Variants in ARHGAP31 observed in about 807,000 individuals in gnomAD.
ARHGAP31 encodes Rho GTPase activating protein 31.
Under a neutral mutation model 113.9 loss-of-function variants are expected in ARHGAP31, and 34 were observed. That is an observed-to-expected ratio of 0.30 (90% CI 0.23 to 0.40). ARHGAP31 has a LOEUF of 0.40. Among genes scored for constraint, ARHGAP31 ranks in the 10% least tolerant of loss-of-function variants. ARHGAP31 has a pLI of 1.00. For missense variants in ARHGAP31, 1,548 were observed against 1,767.1 expected, an observed-to-expected ratio of 0.88 and a Z score of 2.22; for synonymous variants, 650 against 684.8, an observed-to-expected ratio of 0.95 and a Z score of 0.79.
At chr3:119,329,764 T>G in intron 1 of ARHGAP31, 1 of 980,448 alleles carries the variant, frequency 1.0e-6, no homozygotes, top group Non-Finnish European at 1.2e-6. Flanking sequence ...CTCACGCTCA[T>G]TCCACAGTGC....
At chr3:119,392,208 G>T (rs1387781897) in intron 7 of ARHGAP31, among the ~76,000 whole-genome samples, 1 of 152,204 alleles carries the variant, frequency 6.6e-6, no homozygotes, top group Non-Finnish European at 1.5e-5. Context: ...AGCACTTTGG[G>T]AGGCTAAGGT....
chr3:119,339,007 A>T (rs1388549140), intron 1 of ARHGAP31, among the ~76,000 whole-genome samples: 1 of 152,254 alleles, frequency 6.6e-6, no homozygotes, highest in African/African-American at 2.4e-5. Flanking sequence ...GTTCAGAGTC[A>T]TGAATTACTT....
chr3:119,349,776 T>C (rs1234635836), intron 1 of ARHGAP31, among the ~76,000 whole-genome samples: 1 of 152,180 alleles, frequency 6.6e-6, no homozygotes, highest in African/African-American at 2.4e-5. Flanking sequence ...TCCTGAGAAT[T>C]TGCAGGGGAA....
chr3:119,413,801 T>C, intron 11 of ARHGAP31, 55 bp from the exon 12 acceptor site: 1 of 1,613,826 alleles, frequency 6.2e-7, no homozygotes, highest in Non-Finnish European at 8.5e-7. Context: ...GAAACGCTGA[T>C]GTCAGCACCC....
chr3:119,378,700 TTGGCTCCC>T (rs1187728337), intron 3 of ARHGAP31, among the ~76,000 whole-genome samples: 1 of 151,978 alleles, frequency 6.6e-6, no homozygotes, highest in Non-Finnish European at 1.5e-5. Context: ...CTTCTCTCCC[TTGGCTCCC>T]CGGCTCCCCA....
chr3:119,392,562 A>G (rs2080514011), intron 7 of ARHGAP31, among the ~76,000 whole-genome samples: 2 of 152,226 alleles, frequency 1.3e-5, no homozygotes, highest in Admixed American at 1.3e-4. Flanking sequence ...TTCATCCTGA[A>G]ACTTCATACA....
chr3:119,380,814 G>T, intron 3 of ARHGAP31, 90 bp from the exon 4 acceptor site: 1 of 1,061,540 alleles, frequency 9.4e-7, no homozygotes, highest in South Asian at 1.3e-5. Flanking sequence ...TGTGAGGCTG[G>T]AGTATGAGGG....
chr3:119,384,713 C>T lies in ARHGAP31; in HGVS notation c.682+1487C>T, dbSNP rs1031730381. On this transcript the variant is annotated intron_variant, in intron 6 of 11. Coordinates refer to ENST00000264245, the MANE Select transcript of ARHGAP31 (RefSeq NM_020754.4). ...CCTGATCACCTCATAAAGGTCGCAC[C>T]TCACAACAGTGTTGCATTGGGGATC... is the stretch of plus-strand genomic sequence containing the variant. 3.3e-5 allele frequency among the ~76,000 whole-genome samples: 5 copies of T among 152,174 alleles called. No homozygotes were observed. The East Asian group carries it at 7.7e-4, about 23-fold the overall frequency.
chr3:119,354,992 G>A (rs2080143278), intron 1 of ARHGAP31, among the ~76,000 whole-genome samples: 1 of 151,960 alleles, frequency 6.6e-6, no homozygotes, highest in Non-Finnish European at 1.5e-5. Flanking sequence ...GGCAGTCAAC[G>A]GCAAGGAGCC....
chr3:119,332,629 T>TCA (rs2079903818), intron 1 of ARHGAP31, among the ~76,000 whole-genome samples: 4 of 120,536 alleles, frequency 3.3e-5, no homozygotes, highest in Admixed American at 1.9e-4. Context: ...TCTCTCTCTC[T>TCA]CTCTCTCACA....
intron 3 of ARHGAP31, among the ~76,000 whole-genome samples, chr3:119,371,467 ACT>A (rs1410274911): frequency 6.6e-6 from 1 of 152,152 alleles, no homozygotes; most frequent in Non-Finnish European, 1.5e-5. Context: ...ATGACAACTA[ACT>A]CTATATACAT....
In ARHGAP31 at chr3:119,413,973, A is replaced by G; in HGVS notation, c.2044A>G (p.Ile682Val). 2.5e-6 allele frequency: 4 copies of G among 1,614,132 alleles called. No individual in the cohort carries two copies. Among genetic ancestry groups the G allele is most frequent in the Non-Finnish European group, 3.4e-6 (4 of 1,180,006 alleles). The change falls in exon 12 of 12, where the codon ATT becomes GTT. Residue 682 changes from isoleucine (I) to valine (V), a missense_variant. Transcript: ENST00000264245. ...ACCTCCTGCTCTGAAGACCAGCCCA[A>G]TTCAGCCTATTCTCGAGTCGAGTCT... ...LPPPALKTSPIQPILESSLGP... is the reference protein window; with the variant it reads ...LPPPALKTSPVQPILESSLGP...
At chr3:119,295,257 T>A (rs972688449) in intron 1 of ARHGAP31, among the ~76,000 whole-genome samples, 2 of 151,766 alleles carry the variant, frequency 1.3e-5, no homozygotes, top group African/African-American at 4.8e-5. Context: ...TAATGGGTGG[T>A]ACTGCCGCAA....
At chr3:119,308,985 G>A (rs1215801641) in intron 1 of ARHGAP31, among the ~76,000 whole-genome samples, 1 of 151,998 alleles carries the variant, frequency 6.6e-6, no homozygotes, top group Non-Finnish European at 1.5e-5. Context: ...GGGACTACAG[G>A]CATGCACCCC....
chr3:119,393,729 T>C (rs2080523897), intron 8 of ARHGAP31, 138 bp downstream of exon 8: 1 of 1,258,554 alleles, frequency 7.9e-7, no homozygotes. Context: ...GAGGAGTCTT[T>C]TTTCAAAACA....
In ARHGAP31 at chr3:119,294,935, A is replaced by C. The variant is rs1281214596; in HGVS notation, c.31A>C (p.Lys11Gln). ...GAACAAGGGTGCTAAGCAGAAGCTG[A>C]AACGAAAGGGAGCCGCCAGCGCGTT... MKNKGAKQKL[K>Q]RKGAASAFGC... The change falls in exon 1 of 12, where the codon AAA becomes CAA. Residue 11 changes from lysine to glutamine, a missense_variant. Coordinates refer to ENST00000264245, the MANE Select transcript of ARHGAP31 (RefSeq NM_020754.4). The C allele has an allele frequency of 6.2e-7, 1 of 1,614,106 alleles. No homozygotes were observed. The highest frequency in any genetic ancestry group is 1.7e-5 in the Admixed American group (1 of 60,026).
At chr3:119,384,985 C>T (rs2080437234) in intron 6 of ARHGAP31, among the ~76,000 whole-genome samples, 1 of 149,924 alleles carries the variant, frequency 6.7e-6, no homozygotes, top group South Asian at 2.1e-4. Flanking sequence ...AGTGCAGTGG[C>T]GTGATCTTGG....
chr3:119,316,769 G>T (rs1041113654), intron 1 of ARHGAP31, among the ~76,000 whole-genome samples: 1 of 152,226 alleles, frequency 6.6e-6, no homozygotes, highest in Non-Finnish European at 1.5e-5. Context: ...TTCAGCCAAA[G>T]AACTCTGCTT....
rs78552913 is a variant in ARHGAP31 at position 119,356,063 on chromosome 3, C to A, written c.101-9253C>A. 6.6e-3 allele frequency among the ~76,000 whole-genome samples: 1,002 copies of A among 152,314 alleles called. 12 individuals are homozygous for A. Among genetic ancestry groups the A allele is most frequent in the African/African-American group, 0.023 (941 of 41,576 alleles). On this transcript the variant is annotated intron_variant, in intron 1 of 11. Coordinates refer to ENST00000264245, the MANE Select transcript of ARHGAP31 (RefSeq NM_020754.4). ...AACACCTCACACTTGGTGCTAGACACAGAGTAGGCTTGCAGTAAATATCTG... is the reference window on the plus strand; with the variant it reads ...AACACCTCACACTTGGTGCTAGACAAAGAGTAGGCTTGCAGTAAATATCTG...
Sources: gnomAD v4.1 joint callset for allele counts (sites outside exome capture counted in the v4.1 genomes callset) on GRCh38, gnomAD v4.1.1 for gene constraint, MANE v1.5 for transcripts, NCBI Gene and HGNC (gene_info 2026-07-23, HGNC 2026-07-21) for gene names.